The following AGPAT5 variants were observed in gnomAD, a reference collection of about 807,000 sequenced individuals.
AGPAT5 encodes the protein 1-acylglycerol-3-phosphate O-acyltransferase 5, also known as 1-acyl-sn-glycerol-3-phosphate acyltransferase epsilon.
A neutral mutation model predicts 45.6 loss-of-function variants in AGPAT5; 46 were observed. The ratio of observed to expected loss-of-function variants is 1.01; its 90% confidence interval spans 0.80 to 1.29. AGPAT5 has a LOEUF of 1.29. Ranked by LOEUF, AGPAT5 falls within the 50% of genes most tolerant of loss-of-function variation. AGPAT5 has a pLI of 0.00. For missense variants in AGPAT5, 673 were observed against 450.7 expected, an observed-to-expected ratio of 1.49 and a Z score of -4.47; for synonymous variants, 272 against 167.0, an observed-to-expected ratio of 1.63 and a Z score of -4.85.
intron 4 of AGPAT5, among the ~76,000 whole-genome samples, chr8:6,740,861 C>G (rs990952861): frequency 2.6e-5 from 4 of 151,994 alleles, no homozygotes; most frequent in African/African-American, 9.7e-5. Flanking sequence ...TTCCTGTATT[C>G]TGTTTGTATT....
chr8:6,760,612 G>C lies in AGPAT5; in HGVS notation c.*3224G>C, dbSNP rs182885124. 1.5e-4 allele frequency among the ~76,000 whole-genome samples: 23 copies of C among 152,196 alleles called. No individual in the cohort carries two copies. The highest frequency in any genetic ancestry group is 5.1e-4 in the African/African-American group (21 of 41,524). Reference sequence around the variant, plus strand: ...TGAAGATTGAGTGAAATATTTTCTTGGCAGATATTCCGTATCTGGTGGAAA... The same window carrying C: ...TGAAGATTGAGTGAAATATTTTCTTCGCAGATATTCCGTATCTGGTGGAAA... On this transcript the variant is annotated 3_prime_UTR_variant, in exon 8 of 8. Coordinates refer to ENST00000285518, the MANE Select transcript of AGPAT5 (RefSeq NM_018361.5).
At chr8:6,709,257 ACG>A in intron 1 of AGPAT5, 1 of 276,586 alleles carries the variant, frequency 3.6e-6, no homozygotes, top group South Asian at 3.6e-5. Context: ...CAGATCGGAG[ACG>A]TCTACACTCC....
At chr8:6,718,218 T>G (rs1051503779) in intron 1 of AGPAT5, among the ~76,000 whole-genome samples, 3 of 152,176 alleles carry the variant, frequency 2.0e-5, no homozygotes, top group African/African-American at 7.2e-5. Context: ...GCTGAGTGTA[T>G]GAGAAAGAAC....
At chr8:6,722,808 G>A (rs1450016009) in intron 1 of AGPAT5, among the ~76,000 whole-genome samples, 1 of 151,768 alleles carries the variant, frequency 6.6e-6, no homozygotes, top group African/African-American at 2.4e-5. Context: ...GGCTACCTCT[G>A]AATTAATAAA....
chr8:6,722,106 C>G (rs1800522519), intron 1 of AGPAT5, among the ~76,000 whole-genome samples: 1 of 152,114 alleles, frequency 6.6e-6, no homozygotes, highest in Non-Finnish European at 1.5e-5. Context: ...GGGAAGATGA[C>G]TAGGAAATGT....
rs894325455 is a variant in AGPAT5 at position 6,750,276 on chromosome 8, A to G, written c.745+2448A>G. Reference sequence around the variant, plus strand: ...GCATCATAAGTGCCTTGAGGAAGCCAAAACCTTCTGTGAGTTGCATTGCCT... The same window carrying G: ...GCATCATAAGTGCCTTGAGGAAGCCGAAACCTTCTGTGAGTTGCATTGCCT... On this transcript the variant is annotated intron_variant, in intron 6 of 7. Coordinates refer to ENST00000285518, the MANE Select transcript of AGPAT5 (RefSeq NM_018361.5). 2.6e-5 allele frequency among the ~76,000 whole-genome samples: 4 copies of G among 152,344 alleles called. No individual in the cohort carries two copies. The South Asian group carries it at 6.2e-4, about 24-fold the overall frequency.
At chr8:6,738,242 C>A (rs888949207) in intron 4 of AGPAT5, 3 of 152,186 alleles carry the variant, frequency 2.0e-5, no homozygotes, top group Admixed American at 6.5e-5. Context: ...ACATGCAACT[C>A]TTCCTTTCAC....
In AGPAT5 at chr8:6,759,100, G is replaced by C. The variant is rs778442271; in HGVS notation, c.*1712G>C. On this transcript the variant is annotated 3_prime_UTR_variant, in exon 8 of 8. Transcript: ENST00000285518. ...GGATATAGTTGGCCTAATAATCGGGGCATGGGTAAAACTTATGAAAATTTC... is the reference window on the plus strand; with the variant it reads ...GGATATAGTTGGCCTAATAATCGGGCCATGGGTAAAACTTATGAAAATTTC... 2 of 152,174 alleles carry C rather than the reference G, an allele frequency of 1.3e-5. No homozygotes were observed. Among genetic ancestry groups the C allele is most frequent in the South Asian group, 4.1e-4 (2 of 4,824 alleles). 9.4% of individuals were successfully genotyped at this position (152,174 alleles called of 1,614,324 possible).
intron 5 of AGPAT5, among the ~76,000 whole-genome samples, chr8:6,744,051 C>T (rs1159096127): frequency 6.6e-6 from 1 of 151,916 alleles, no homozygotes; most frequent in Non-Finnish European, 1.5e-5. Context: ...ATGTCTCAAA[C>T]ATCATATGAA....
At chr8:6,742,424 C>G (rs1009767037) in intron 5 of AGPAT5, among the ~76,000 whole-genome samples, 1 of 152,184 alleles carries the variant, frequency 6.6e-6, no homozygotes, top group African/African-American at 2.4e-5. Context: ...AAAACAGTGG[C>G]TATGCTATGT....
intron 6 of AGPAT5, among the ~76,000 whole-genome samples, chr8:6,754,194 T>G (rs79643075): frequency 0.029 from 4,392 of 152,260 alleles, 138 homozygotes; most frequent in African/African-American, 0.074. Flanking sequence ...GAGTTTCTAG[T>G]CTCCGTTCTT....
At chr8:6,720,525 T>G (rs1404285871) in intron 1 of AGPAT5, among the ~76,000 whole-genome samples, 3 of 152,170 alleles carry the variant, frequency 2.0e-5, no homozygotes, top group Non-Finnish European at 4.4e-5. Context: ...GTGGCAGAGT[T>G]AAATGACCCC....
intron 3 of AGPAT5, among the ~76,000 whole-genome samples, chr8:6,731,808 C>G (rs1800873092): frequency 6.6e-6 from 1 of 152,044 alleles, no homozygotes; most frequent in Admixed American, 6.5e-5. Flanking sequence ...GGCTAGACAT[C>G]CAAGATCAAG....
chr8:6,717,446 T>G (rs1390599728), intron 1 of AGPAT5, among the ~76,000 whole-genome samples: 1 of 152,238 alleles, frequency 6.6e-6, no homozygotes, highest in Admixed American at 6.5e-5. Context: ...AACCACCTAC[T>G]GTTAAAAGGT....
At position 6,730,375 on chromosome 8, in the gene AGPAT5, G is replaced by C. The variant is rs1271267344; in HGVS notation, c.290-336G>C. On this transcript the variant is annotated intron_variant, in intron 2 of 7. Transcript: ENST00000285518. ...GAGACGGAGTCTCGCTGTCGCCCAG[G>C]CTGGAGTGCAGTGGCGCAATCTCGG... Among the ~76,000 whole-genome samples, 2 of 44,014 alleles carry C rather than the reference G, an allele frequency of 4.5e-5. 1 individual carries two copies. 28.9% of individuals were successfully genotyped at this position (44,014 alleles called of 152,430 possible).
At position 6,727,730 on chromosome 8, in the gene AGPAT5, G is replaced by C. The variant is rs563605637; in HGVS notation, c.289+2791G>C. Among the ~76,000 whole-genome samples the C allele has an allele frequency of 3.9e-5, 6 of 152,296 alleles. No homozygotes were observed. In the South Asian group the frequency reaches 1.2e-3, roughly 32 times the overall value. On this transcript the variant is annotated intron_variant, in intron 2 of 7. Coordinates refer to ENST00000285518, the MANE Select transcript of AGPAT5 (RefSeq NM_018361.5). ...GAAATGTTCTCTTTTCTTGGCTGAA[G>C]TGTCACTTTTCTTGTTGAACAGCAT...
At chr8:6,723,411 T>A (rs897903602) in intron 1 of AGPAT5, among the ~76,000 whole-genome samples, 1 of 152,190 alleles carries the variant, frequency 6.6e-6, no homozygotes, top group Non-Finnish European at 1.5e-5. Context: ...GGGTTTGAAC[T>A]TCTGGGCTTA....
chr8:6,708,917 C>T lies in AGPAT5; in HGVS notation c.219+30C>T, dbSNP rs764684827. 7.0e-6 allele frequency: 11 copies of T among 1,580,786 alleles called. No individual in the cohort carries two copies. In the South Asian group the frequency reaches 1.2e-4, roughly 18 times the overall value. On this transcript the variant is annotated intron_variant, in intron 1 of 7. Transcript: ENST00000285518. ...GCCGCCTCCCGCTCCCGGGTCTCGG[C>T]GTCCACCCGAGCTCCCGGGGGCGCG... is the stretch of plus-strand genomic sequence containing the variant.
At chr8:6,732,454 TGTA>T (rs1800895008) in intron 3 of AGPAT5, 104 bp from the exon 4 acceptor site, 3 of 697,298 alleles carry the variant, frequency 4.3e-6, no homozygotes, top group East Asian at 3.1e-5. Flanking sequence ...AATTCTGAAA[TGTA>T]GTTTTCATTC....
Sources: allele counts gnomAD v4.1 joint callset (sites outside exome capture counted in the v4.1 genomes callset), GRCh38; gene constraint gnomAD v4.1.1; transcripts MANE v1.5; gene names NCBI Gene and HGNC (gene_info 2026-07-23, HGNC 2026-07-21).